Variants in UNC13C observed in about 807,000 individuals in gnomAD.
The protein encoded by UNC13C is unc-13 homolog C, also known as protein unc-13 homolog C.
Under a neutral mutation model 245.4 loss-of-function variants are expected in UNC13C, and 174 were observed. The ratio of observed to expected loss-of-function variants is 0.71; its 90% CI spans 0.63 to 0.80. UNC13C has a LOEUF of 0.80. Ranked by LOEUF, UNC13C falls within the 30% of genes least tolerant of loss-of-function variation. The pLI is 0.00. For missense variants in UNC13C, 2,829 were observed against 2,602.9 expected (o/e 1.09, Z -1.89); for synonymous variants, 992 against 895.1 (o/e 1.11, Z -1.93).
At chr15:54,518,296 G>A (rs922608986) in intron 24 of UNC13C, among the ~76,000 whole-genome samples, 1 of 152,092 alleles carries the variant, frequency 6.6e-6, no homozygotes, top group Non-Finnish European at 1.5e-5. Flanking sequence ...TTTGGTTGGC[G>A]AGCCATGTCA....
intron 17 of UNC13C, among the ~76,000 whole-genome samples, chr15:54,380,936 T>A (rs1473559626): frequency 6.6e-6 from 1 of 152,204 alleles, no homozygotes. Context: ...GAGTTCTTTG[T>A]TGTACAAAAG....
At chr15:54,552,623 A>C (rs1467759844) in intron 28 of UNC13C, among the ~76,000 whole-genome samples, 1 of 72,420 alleles carries the variant, frequency 1.4e-5, no homozygotes, top group African/African-American at 6.5e-5. Context: ...TAATTATATT[A>C]TATATTGTAC....
intron 2 of UNC13C, among the ~76,000 whole-genome samples, chr15:54,040,199 C>CT (rs1393252422): frequency 7.2e-5 from 11 of 152,158 alleles, no homozygotes; most frequent in Non-Finnish European, 1.0e-4. Context: ...CAGACAGACT[C>CT]TAAGACAGGG....
intron 8 of UNC13C, among the ~76,000 whole-genome samples, chr15:54,259,050 G>A (rs2036354053): frequency 6.6e-6 from 1 of 152,210 alleles, no homozygotes; most frequent in East Asian, 1.9e-4. Context: ...ACTTCCTGCT[G>A]CATCTTCACA....
chr15:54,339,673 G>C (rs10851567), intron 17 of UNC13C, among the ~76,000 whole-genome samples: 71,384 of 149,992 alleles, frequency 0.48, 17,344 homozygotes, highest in East Asian at 0.83. Flanking sequence ...ATCACAGTTT[G>C]TTTATTCACT....
intron 2 of UNC13C, among the ~76,000 whole-genome samples, chr15:54,082,740 G>A (rs543287358): frequency 7.2e-5 from 11 of 152,092 alleles, no homozygotes; most frequent in African/African-American, 9.7e-5. Context: ...TGATGGGACT[G>A]TTTTTAATTT....
At chr15:54,490,499 G>A (rs993221817) in intron 19 of UNC13C, among the ~76,000 whole-genome samples, 4 of 152,138 alleles carry the variant, frequency 2.6e-5, no homozygotes, top group Non-Finnish European at 2.9e-5. Context: ...AGCAGCCAGA[G>A]AAGGAGGAAG....
intron 2 of UNC13C, among the ~76,000 whole-genome samples, chr15:54,084,644 T>A (rs4542606): frequency 0.47 from 71,536 of 152,122 alleles, 18,785 homozygotes; most frequent in Non-Finnish European, 0.6. Flanking sequence ...TTTACTTTAG[T>A]TGTATATTAT....
intron 30 of UNC13C, among the ~76,000 whole-genome samples, chr15:54,590,210 A>C (rs1463876151): frequency 6.6e-6 from 1 of 152,184 alleles, no homozygotes; most frequent in Admixed American, 6.5e-5. Context: ...TATAGTTTAA[A>C]ATCAGGAAGT....
At chr15:54,541,263 T>G (rs1045681844) in intron 26 of UNC13C, among the ~76,000 whole-genome samples, 8 of 152,070 alleles carry the variant, frequency 5.3e-5, no homozygotes, top group Non-Finnish European at 1.2e-4. Flanking sequence ...TTCAATGTTA[T>G]CCACTGTAAT....
chr15:54,147,789 C>CATGTGTGTGT (rs71132783), intron 4 of UNC13C, among the ~76,000 whole-genome samples: 8 of 147,474 alleles, frequency 5.4e-5, no homozygotes, highest in African/African-American at 7.5e-5. Flanking sequence ...AAGGTGTGTG[C>CATGTGTGTGT]GTGTGTGTGT....
intron 4 of UNC13C, among the ~76,000 whole-genome samples, chr15:54,225,512 A>G (rs2035355224): frequency 1.3e-5 from 2 of 152,120 alleles, no homozygotes; most frequent in African/African-American, 4.8e-5. Flanking sequence ...GTTCTCCTTG[A>G]AGAGGCCCTT....
At chr15:54,280,128 T>C (rs896216029) in intron 10 of UNC13C, among the ~76,000 whole-genome samples, 7 of 152,182 alleles carry the variant, frequency 4.6e-5, no homozygotes, top group African/African-American at 1.7e-4. Flanking sequence ...TTCACAAGTT[T>C]ATAAACATAT....
intron 8 of UNC13C, among the ~76,000 whole-genome samples, chr15:54,262,755 C>T (rs911755982): frequency 3.9e-5 from 6 of 152,006 alleles, no homozygotes. Context: ...ACTGCTCTTT[C>T]TACCACTGGA....
At chr15:54,380,229 G>A (rs972587726) in intron 17 of UNC13C, among the ~76,000 whole-genome samples, 10 of 151,652 alleles carry the variant, frequency 6.6e-5, no homozygotes, top group Admixed American at 5.3e-4. Context: ...ATACATGAGC[G>A]TGATTTTTGT....
At chr15:54,393,943 C>T (rs2040017172) in intron 18 of UNC13C, among the ~76,000 whole-genome samples, 1 of 151,882 alleles carries the variant, frequency 6.6e-6, no homozygotes, top group African/African-American at 2.4e-5. Context: ...AGACTTCCAG[C>T]TAGGCACTTG....
intron 11 of UNC13C, among the ~76,000 whole-genome samples, chr15:54,295,649 T>TAA (rs11434084): frequency 0.05 from 7,005 of 141,236 alleles, 253 homozygotes; most frequent in African/African-American, 0.11. Context: ...TGAGACCTTG[T>TAA]AAAAAAAAAA....
rs563285352 is a variant in UNC13C, at chr15:54,251,808, T to G, written c.3448+1364T>G. On this transcript the variant is annotated intron_variant, in intron 8 of 32. Transcript: ENST00000260323. Reference sequence around the variant, plus strand: ...GGGAGAAGAGGAAAATGTCAAAGATTAAATTAGAAATGCTGTCACAGCTGA... The same window carrying G: ...GGGAGAAGAGGAAAATGTCAAAGATGAAATTAGAAATGCTGTCACAGCTGA... 1.3e-5 allele frequency among the ~76,000 whole-genome samples: 2 copies of G among 152,278 alleles called. 1 individual carries two copies. The highest frequency in any genetic ancestry group is 4.1e-4 in the South Asian group (2 of 4,828).
At position 54,237,710 on chromosome 15, in the gene UNC13C, C is replaced by G. The variant is rs991917836; in HGVS notation, c.3228+20C>G. On this transcript the variant is annotated intron_variant, in intron 7 of 32. Transcript: ENST00000260323. The stretch of plus-strand genomic sequence containing the variant: ...GAACTGGTAAGTACTAGATATTGCT[C>G]ATAATATCTAACTAGATATTGCTCA... 2 of 1,552,508 alleles carry G rather than the reference C, an allele frequency of 1.3e-6. No homozygotes were observed. Among genetic ancestry groups the G allele is most frequent in the Non-Finnish European group, 1.8e-6 (2 of 1,129,664 alleles).
Sources: gnomAD v4.1 joint callset for allele counts (sites outside exome capture counted in the v4.1 genomes callset) on GRCh38, gnomAD v4.1.1 for gene constraint, MANE v1.5 for transcripts, NCBI Gene and HGNC (gene_info 2026-07-23, HGNC 2026-07-21) for gene names.